The following PSD2 variants were observed in gnomAD, a reference collection of about 807,000 sequenced individuals.
PSD2 encodes the protein PH and SEC7 domain-containing protein 2.
PSD2 carries 38 observed loss-of-function variants against 69.8 expected under a neutral mutation model. That is an observed-to-expected ratio of 0.54 (90% CI 0.42 to 0.71). The LOEUF (loss-of-function observed/expected upper bound fraction) is 0.71, where lower values mean the gene tolerates loss of function less well. Ranked by LOEUF, PSD2 falls within the 30% of genes least tolerant of loss-of-function variation. The pLI, the probability that PSD2 is intolerant of heterozygous loss-of-function variation, is 0.00. For synonymous variants in PSD2, 412 were observed against 423.0 expected (o/e 0.97, Z 0.32); for missense variants, 943 against 1,014.5 (o/e 0.93, Z 0.96).
At chr5:139,785,141 A>C in the PSD2 span, among the ~76,000 whole-genome samples, 19 of 148,036 alleles carry the variant, frequency 1.3e-4, no homozygotes, top group African/African-American at 4.7e-4. Context: ...AACACCTCTC[A>C]CTCTGTCTAC....
the PSD2 span, among the ~76,000 whole-genome samples, chr5:139,763,339 A>G: frequency 1.3e-5 from 2 of 152,098 alleles, no homozygotes; most frequent in South Asian, 2.1e-4. Context: ...GTTTTCATTC[A>G]CTGCGCTCAC....
At chr5:139,800,035 C>G (rs931326083) in intron 1 of PSD2, among the ~76,000 whole-genome samples, 6 of 152,200 alleles carry the variant, frequency 3.9e-5, no homozygotes, top group Admixed American at 3.9e-4. Context: ...AAGAGCCACA[C>G]ATAGCCCACT....
At position 139,837,723 on chromosome 5, in the gene PSD2, G is replaced by A. The variant is rs137951361; in HGVS notation, c.1764G>A (p.Lys588=). The A allele has an allele frequency of 1.9e-6, 3 of 1,613,976 alleles. No homozygotes were observed. In the African/African-American group the frequency reaches 4.0e-5, roughly 22 times the overall value. The change falls in exon 12 of 15, where the codon AAG becomes AAA. Residue 588 remains lysine (K), a synonymous_variant. Coordinates refer to ENST00000274710, the MANE Select transcript of PSD2 (RefSeq NM_032289.4). This position sits in a 1 kb window ranked among gnomAD's most constrained non-coding sequence, Gnocchi z 5.0. ...ALATRASDYS[K]KSNVLKLKTA... is the part of the protein sequence containing the mutation. ...CCACCAGGGCCTCTGACTACAGCAA[G>A]AAGTCCAACGTGCTGAAGCTTAAGA...
In PSD2 at chr5:139,844,390, A is replaced by G. The variant is rs1200026920; in HGVS notation, c.*1916A>G. 6.6e-6 allele frequency: 1 copy of G among 152,258 alleles called. No individual in the cohort carries two copies. Among genetic ancestry groups the G allele is most frequent in the Non-Finnish European group, 1.5e-5 (1 of 68,036 alleles). The allele number at this position is 152,258 out of a possible 1,614,324, so 9.4% of individuals were successfully genotyped here. ...ACATGTACTACTGTACTAAAATATT[A>G]TGTACATTATAAAACATACACAAAA... On this transcript the variant is annotated 3_prime_UTR_variant, in exon 15 of 15. Coordinates refer to ENST00000274710, the MANE Select transcript of PSD2 (RefSeq NM_032289.4).
Position 139,842,489 on chromosome 5 carries a change from C to T in PSD2, c.*15C>T, listed in dbSNP as rs1215416885. 1 of 1,609,524 alleles carries T rather than the reference C, an allele frequency of 6.2e-7. No homozygotes were observed. The highest frequency in any genetic ancestry group is 1.7e-5 in the Admixed American group (1 of 59,962). On this transcript the variant is annotated 3_prime_UTR_variant, in exon 15 of 15. Transcript: ENST00000274710. The stretch of plus-strand genomic sequence containing the variant: ...CTGATACTTAGCTGACATGGATTTG[C>T]AGACCCCAGGGTGGGCAGATGTCTC...
At chr5:139,742,987 T>C in the PSD2 span, among the ~76,000 whole-genome samples, 1 of 152,232 alleles carries the variant, frequency 6.6e-6, no homozygotes, top group Admixed American at 6.5e-5. Flanking sequence ...GGTTGGATCA[T>C]GAAGAGGACT....
At position 139,814,768 on chromosome 5, in the gene PSD2, G is replaced by A. The variant is rs1561598050; in HGVS notation, c.1016+404G>A. Among the ~76,000 whole-genome samples the A allele has an allele frequency of 1.3e-5, 2 of 152,090 alleles. No individual in the cohort carries two copies. On this transcript the variant is annotated intron_variant, in intron 4 of 14. Coordinates refer to ENST00000274710, the MANE Select transcript of PSD2 (RefSeq NM_032289.4). This position sits in a 1 kb window ranked among gnomAD's most constrained non-coding sequence, Gnocchi z 4.4. The stretch of plus-strand genomic sequence containing the variant: ...CCCAGAGCTCAGGAAAGGGCTCCTG[G>A]CCTTCATTAAGCCCTACTATCTATT...
the PSD2 span, among the ~76,000 whole-genome samples, chr5:139,744,534 G>A: frequency 6.6e-6 from 1 of 152,172 alleles, no homozygotes; most frequent in East Asian, 1.9e-4. Flanking sequence ...CTGTCCGGCT[G>A]AGTGGGTTAG....
chr5:139,809,506 A>G lies in PSD2; in HGVS notation c.66A>G (p.Pro22=), dbSNP rs763321393. Reference sequence around the variant, plus strand: ...GCGATGCCACCCGTGACCCCGGTCCAGAGCCTGAAGAGGAGCCAGGGGTCC... The same window carrying G: ...GCGATGCCACCCGTGACCCCGGTCCGGAGCCTGAAGAGGAGCCAGGGGTCC... ...EEGDATRDPG[P]EPEEEPGVRN... is the part of the protein sequence containing the mutation. Residue 22 remains proline, a synonymous_variant, in exon 2 of 15, where the codon CCA becomes CCG. Coordinates refer to ENST00000274710, the MANE Select transcript of PSD2 (RefSeq NM_032289.4). 2 of 1,612,930 alleles carry G rather than the reference A, an allele frequency of 1.2e-6. No homozygotes were observed. Among genetic ancestry groups the G allele is most frequent in the Non-Finnish European group, 1.7e-6 (2 of 1,179,488 alleles).
chr5:139,767,242 C>T, the PSD2 span, among the ~76,000 whole-genome samples: 1 of 151,882 alleles, frequency 6.6e-6, no homozygotes, highest in Non-Finnish European at 1.5e-5. Flanking sequence ...ATCCGCCTGC[C>T]TCGGCCTCCC....
intron 1 of PSD2, among the ~76,000 whole-genome samples, chr5:139,807,548 A>G (rs1323706209): frequency 6.6e-6 from 1 of 152,176 alleles, no homozygotes; most frequent in African/African-American, 2.4e-5. Context: ...CAGATATTTT[A>G]GAGCCTGGCT....
the PSD2 span, among the ~76,000 whole-genome samples, chr5:139,788,187 C>T: frequency 6.6e-6 from 1 of 151,892 alleles, no homozygotes; most frequent in Admixed American, 6.5e-5. Context: ...GCGCCCCCCC[C>T]CGAACCCGTG....
Position 139,842,627 on chromosome 5 carries a change from C to T in PSD2, c.*153C>T, listed in dbSNP as rs1760903326. 1.5e-5 allele frequency: 10 copies of T among 660,330 alleles called. No individual in the cohort carries two copies. The highest frequency in any genetic ancestry group is 2.3e-5 in the Non-Finnish European group (9 of 386,208). The allele number at this position is 660,330 out of a possible 1,614,324, so 40.9% of individuals were successfully genotyped here. A position where few individuals can be genotyped will look rare whatever the true frequency, so the allele number is the denominator to read the frequency against. ...CCTGTGGGCCCAGGAGATGGAGATG[C>T]CGTTTGTGGCGTTGATCTCCTTGCG... is the stretch of plus-strand genomic sequence containing the variant. On this transcript the variant is annotated 3_prime_UTR_variant, in exon 15 of 15. Coordinates refer to ENST00000274710, the MANE Select transcript of PSD2 (RefSeq NM_032289.4).
chr5:139,785,860 G>C, the PSD2 span, among the ~76,000 whole-genome samples: 1 of 152,216 alleles, frequency 6.6e-6, no homozygotes, highest in African/African-American at 2.4e-5. Flanking sequence ...AGGCTGAGGT[G>C]GGAAGATCGC....
chr5:139,798,455 A>G (rs1304285468), intron 1 of PSD2, among the ~76,000 whole-genome samples: 2 of 152,062 alleles, frequency 1.3e-5, no homozygotes, highest in African/African-American at 4.8e-5. Context: ...TGGGGAAGGA[A>G]TGTCCTCTCC....
At chr5:139,824,186 A>G (rs965096685) in intron 7 of PSD2, among the ~76,000 whole-genome samples, 1 of 152,114 alleles carries the variant, frequency 6.6e-6, no homozygotes, top group African/African-American at 2.4e-5. Flanking sequence ...GGGCCTCCCT[A>G]TGGCTAAGAA....
chr5:139,774,994 C>G, the PSD2 span, among the ~76,000 whole-genome samples: 2 of 152,066 alleles, frequency 1.3e-5, no homozygotes, highest in African/African-American at 4.8e-5. Flanking sequence ...TGACCTCTAT[C>G]GAGACCGTAC....
intron 6 of PSD2, 111 bp from the exon 7 acceptor site, chr5:139,822,615 A>T: frequency 1.1e-6 from 1 of 875,952 alleles, no homozygotes; most frequent in Non-Finnish European, 1.7e-6. Context: ...TGAGTTTGGC[A>T]GGCGGCCGGC....
chr5:139,776,080 C>G, the PSD2 span, among the ~76,000 whole-genome samples: 1 of 152,214 alleles, frequency 6.6e-6, no homozygotes, highest in Admixed American at 6.5e-5. Flanking sequence ...GGGGAGAGCT[C>G]AGATATATAC....
Sources: gnomAD v4.1 joint callset for allele counts (sites outside exome capture counted in the v4.1 genomes callset) on GRCh38, gnomAD v4.1.1 for gene constraint, Gnocchi (gnomAD v3.1) non-coding constraint, MANE v1.5 for transcripts, NCBI Gene and HGNC (gene_info 2026-07-23, HGNC 2026-07-21) for gene names.